Variants in KIRREL3 observed in about 807,000 individuals in gnomAD.
KIRREL3 encodes the protein kirre like nephrin family adhesion molecule 3, also known as kin of IRRE-like protein 3.
A neutral mutation model predicts 89.7 loss-of-function variants in KIRREL3; 36 were observed. The observed-to-expected ratio is 0.40, with a 90% CI of 0.31 to 0.53. KIRREL3 has a LOEUF of 0.53. Ranked by LOEUF, KIRREL3 falls within the 20% of genes least tolerant of loss-of-function variation. The pLI, the probability that KIRREL3 is intolerant of heterozygous loss-of-function variation, is 0.49. For synonymous variants in KIRREL3, 445 were observed against 441.4 expected (o/e 1.01, Z -0.10); for missense variants, 864 against 1,056.6 (o/e 0.82, Z 2.53).
At chr11:126,582,277 A>G (rs565471905) in intron 1 of KIRREL3, among the ~76,000 whole-genome samples, 1 of 152,276 alleles carries the variant, frequency 6.6e-6, no homozygotes, top group South Asian at 2.1e-4. Flanking sequence ...AGCTCCTGCC[A>G]TTGTGCATTG....
At position 126,473,482 on chromosome 11, in the gene KIRREL3, C is replaced by A; in HGVS notation, c.434-16G>T. 6.5e-7 allele frequency: 1 copy of A among 1,531,384 alleles called. No individual in the cohort carries two copies. Among genetic ancestry groups the A allele is most frequent in the Non-Finnish European group, 8.9e-7 (1 of 1,124,966 alleles). The allele number at this position is 1,531,384 out of a possible 1,614,324, so 94.9% of individuals were successfully genotyped here. On this transcript the variant is annotated splice_polypyrimidine_tract_variant and intron_variant, in intron 4 of 16. Transcript: ENST00000525144. The stretch of plus-strand genomic sequence containing the variant: ...TCAGGCGGCACTGCGGGGAGAGAAG[C>A]AGTGAGGTCAGGCCGAGGCTCCCAC...
chr11:126,822,114 T>C (rs1044308003), intron 1 of KIRREL3, among the ~76,000 whole-genome samples: 1 of 152,192 alleles, frequency 6.6e-6, no homozygotes, highest in Non-Finnish European at 1.5e-5. Flanking sequence ...TCTGTAACCT[T>C]GGGCAAGCCC....
At chr11:126,725,783 C>A (rs1182627149) in intron 1 of KIRREL3, among the ~76,000 whole-genome samples, 1 of 152,300 alleles carries the variant, frequency 6.6e-6, no homozygotes, top group South Asian at 2.1e-4. Context: ...GGGCCAGGGA[C>A]TACAGAGAGC....
chr11:126,739,793 A>G lies in KIRREL3; in HGVS notation c.56-176881T>C, dbSNP rs2134215730. 6.6e-6 allele frequency among the ~76,000 whole-genome samples: 1 copy of G among 152,312 alleles called. No individual in the cohort carries two copies. The highest frequency in any genetic ancestry group is 2.1e-4 in the South Asian group (1 of 4,824). ...ATCAGGCAGCATGTATCAGAGTTTAAAAACCTCAGGGAGTTTTGGGCCAGC... is the reference window on the plus strand; with the variant it reads ...ATCAGGCAGCATGTATCAGAGTTTAGAAACCTCAGGGAGTTTTGGGCCAGC... On this transcript the variant is annotated intron_variant, in intron 1 of 16. Transcript: ENST00000525144. This position sits in a 1 kb window ranked among gnomAD's most constrained non-coding sequence, Gnocchi z 5.5.
At chr11:126,930,466 C>A (rs897874229) in intron 1 of KIRREL3, among the ~76,000 whole-genome samples, 1 of 152,178 alleles carries the variant, frequency 6.6e-6, no homozygotes, top group Non-Finnish European at 1.5e-5. Context: ...TGCCCTACTG[C>A]GGAGGTAGCT....
intron 6 of KIRREL3, among the ~76,000 whole-genome samples, chr11:126,457,724 C>G (rs1219814663): frequency 6.6e-6 from 1 of 152,038 alleles, no homozygotes; most frequent in Non-Finnish European, 1.5e-5. Context: ...GTGAATCAGA[C>G]AAGAATTTCA....
At chr11:126,650,710 C>T (rs1023127032) in intron 1 of KIRREL3, among the ~76,000 whole-genome samples, 11 of 152,192 alleles carry the variant, frequency 7.2e-5, no homozygotes, top group Non-Finnish European at 1.2e-4. Context: ...CCCACATTTT[C>T]GTGTCTTCTT....
At chr11:126,759,868 G>A (rs1052745284) in intron 1 of KIRREL3, among the ~76,000 whole-genome samples, 6 of 152,222 alleles carry the variant, frequency 3.9e-5, no homozygotes, top group South Asian at 2.1e-4. Flanking sequence ...TAAGAGACAC[G>A]TCAGAGAGGA....
In KIRREL3 at chr11:126,527,360, C is replaced by T. The variant is rs575660774; in HGVS notation, c.134-673G>A. On this transcript the variant is annotated intron_variant, in intron 2 of 16. Coordinates refer to ENST00000525144, the MANE Select transcript of KIRREL3 (RefSeq NM_032531.4). The surrounding 1 kb of genome is among the most constrained non-coding windows in gnomAD (Gnocchi z 4.2). ...CTTGGGAAAAAATCATTATGGACAC[C>T]ATGCCTCCTCAAAACGAGATGGCCA... Among the ~76,000 whole-genome samples, 20 of 152,132 alleles carry T rather than the reference C, an allele frequency of 1.3e-4. No homozygotes were observed. Among genetic ancestry groups the T allele is most frequent in the Non-Finnish European group, 2.1e-4 (14 of 68,032 alleles).
intron 1 of KIRREL3, among the ~76,000 whole-genome samples, chr11:126,922,021 TCTATCTTC>T (rs533569433): frequency 0.03 from 3,412 of 114,304 alleles, 155 homozygotes; most frequent in African/African-American, 0.13. Context: ...TATCTTCCTA[TCTATCTTC>T]CTATCTATCT....
At chr11:126,667,323 A>G (rs1462971885) in intron 1 of KIRREL3, among the ~76,000 whole-genome samples, 1 of 152,246 alleles carries the variant, frequency 6.6e-6, no homozygotes, top group Non-Finnish European at 1.5e-5. Context: ...CTTGACAAAC[A>G]TTTCTGATCA....
chr11:126,981,720 C>G lies in KIRREL3; in HGVS notation c.55+18735G>C, dbSNP rs978110537. On this transcript the variant is annotated intron_variant, in intron 1 of 16. Coordinates refer to ENST00000525144, the MANE Select transcript of KIRREL3 (RefSeq NM_032531.4). The surrounding 1 kb of genome is among the most constrained non-coding windows in gnomAD (Gnocchi z 4.2). ...CCCATCCTTGGAGTAGGTTCCTGAGCTTGGTGCCTGGGGAACTGGGGAAGG... is the reference window on the plus strand; with the variant it reads ...CCCATCCTTGGAGTAGGTTCCTGAGGTTGGTGCCTGGGGAACTGGGGAAGG... 2.0e-5 allele frequency among the ~76,000 whole-genome samples: 3 copies of G among 152,156 alleles called. No homozygotes were observed. Among genetic ancestry groups the G allele is most frequent in the African/African-American group, 7.2e-5 (3 of 41,444 alleles).
chr11:126,925,417 C>T (rs1406739011), intron 1 of KIRREL3, among the ~76,000 whole-genome samples: 1 of 152,168 alleles, frequency 6.6e-6, no homozygotes, highest in Non-Finnish European at 1.5e-5. Flanking sequence ...CATGGCTGTC[C>T]TATGATGACA....
At position 126,515,337 on chromosome 11, in the gene KIRREL3, C is replaced by T. The variant is rs2134410820; in HGVS notation, c.433+5978G>A. ...AGGTGGTGCATGCCTGTGGTCTCAG[C>T]TACTCGGGAGGCTGAGGTGGGAGGA... On this transcript the variant is annotated intron_variant, in intron 4 of 16. Transcript: ENST00000525144. The surrounding 1 kb of genome is among the most constrained non-coding windows in gnomAD (Gnocchi z 4.2). Among the ~76,000 whole-genome samples, 1 of 152,276 alleles carries T rather than the reference C, an allele frequency of 6.6e-6. No individual in the cohort carries two copies. Among genetic ancestry groups the T allele is most frequent in the South Asian group, 2.1e-4 (1 of 4,820 alleles).
intron 1 of KIRREL3, among the ~76,000 whole-genome samples, chr11:126,839,125 T>C (rs1943875327): frequency 6.6e-6 from 1 of 152,202 alleles, no homozygotes; most frequent in Admixed American, 6.5e-5. Flanking sequence ...ACAGCGTCCA[T>C]GGAGAGCGCC....
In KIRREL3 at chr11:126,443,604, CGGGGCAGTGT is replaced by C. The variant is rs1955672762; in HGVS notation, c.1252+1365_1252+1374del. Among the ~76,000 whole-genome samples, 1 of 148,292 alleles carries C rather than the reference CGGGGCAGTGT, an allele frequency of 6.7e-6. No individual in the cohort carries two copies. Among genetic ancestry groups the C allele is most frequent in the Non-Finnish European group, 1.5e-5 (1 of 67,232 alleles). On this transcript the variant is annotated intron_variant, in intron 10 of 16. Transcript: ENST00000525144. The surrounding 1 kb of genome is among the most constrained non-coding windows in gnomAD (Gnocchi z 7.3). ...GGGTGGGGGGAGAGGAATGGAAATGCGGGGCAGTGTGGGGGGAGCTGGTGAATGGAGACAG... is the reference window on the plus strand; with the variant it reads ...GGGTGGGGGGAGAGGAATGGAAATGCGGGGGGAGCTGGTGAATGGAGACAG...
In KIRREL3 at chr11:126,454,280, G is replaced by C. The variant is rs1030839228; in HGVS notation, c.848+2069C>G. On this transcript the variant is annotated intron_variant, in intron 7 of 16. Coordinates refer to ENST00000525144, the MANE Select transcript of KIRREL3 (RefSeq NM_032531.4). This position sits in a 1 kb window ranked among gnomAD's most constrained non-coding sequence, Gnocchi z 5.8. Reference sequence around the variant, plus strand: ...CCGGGTCAGTAGGCAGGTGTGGGTGGGGGAGGCAGGCCTGGGGGTGGAGGG... The same window carrying C: ...CCGGGTCAGTAGGCAGGTGTGGGTGCGGGAGGCAGGCCTGGGGGTGGAGGG... Among the ~76,000 whole-genome samples, 1 of 152,132 alleles carries C rather than the reference G, an allele frequency of 6.6e-6. No homozygotes were observed. Among genetic ancestry groups the C allele is most frequent in the Admixed American group, 6.5e-5 (1 of 15,280 alleles).
chr11:126,723,109 G>T lies in KIRREL3; in HGVS notation c.56-160197C>A, dbSNP rs1468303950. On this transcript the variant is annotated intron_variant, in intron 1 of 16. Transcript: ENST00000525144. The surrounding 1 kb of genome is among the most constrained non-coding windows in gnomAD (Gnocchi z 4.0). ...TTGACACATGTTGGACTCTCCACTT[G>T]ACTGAGATTAAGTGGGTAGGGACTG... 6.6e-6 allele frequency among the ~76,000 whole-genome samples: 1 copy of T among 152,184 alleles called. No individual in the cohort carries two copies. Among genetic ancestry groups the T allele is most frequent in the African/African-American group, 2.4e-5 (1 of 41,436 alleles).
At chr11:126,957,707 C>T (rs1017710497) in intron 1 of KIRREL3, among the ~76,000 whole-genome samples, 8 of 152,172 alleles carry the variant, frequency 5.3e-5, no homozygotes, top group Admixed American at 1.3e-4. Flanking sequence ...CAGTGCTGAC[C>T]TCTGCCTGGA....
Sources: allele counts gnomAD v4.1 joint callset (sites outside exome capture counted in the v4.1 genomes callset), GRCh38; gene constraint gnomAD v4.1.1; non-coding constraint Gnocchi (gnomAD v3.1); transcripts MANE v1.5; gene names NCBI Gene and HGNC (gene_info 2026-07-23, HGNC 2026-07-21).